MACROD2: variants seen among roughly 807,000 people sequenced by gnomAD.
MACROD2 encodes the protein mono-ADP ribosylhydrolase 2, also known as ADP-ribose glycohydrolase MACROD2.
In MACROD2, 36 loss-of-function variants were observed where a neutral mutation model predicts 70.4. That is an observed-to-expected ratio of 0.51 (90% CI 0.39 to 0.68). The LOEUF is 0.68. MACROD2 is among the 30% of genes least tolerant of loss of function. MACROD2 has a pLI of 0.00. For synonymous variants in MACROD2, 172 were observed against 178.8 expected (o/e 0.96, Z 0.30); for missense variants, 496 against 538.4 (o/e 0.92, Z 0.78).
intron 3 of MACROD2, among the ~76,000 whole-genome samples, chr20:14,414,561 G>C (rs1332459377): frequency 2.0e-5 from 3 of 152,068 alleles, no homozygotes; most frequent in Non-Finnish European, 4.4e-5. Context: ...ATAGCAATCA[G>C]AGTGATGCTT....
At chr20:14,962,488 T>C (rs921450384) in intron 5 of MACROD2, among the ~76,000 whole-genome samples, 6 of 150,072 alleles carry the variant, frequency 4.0e-5, no homozygotes, top group Non-Finnish European at 8.9e-5. Flanking sequence ...TTATGTTTGT[T>C]TTGTTTCTGA....
At chr20:15,077,974 C>T (rs117435781) in intron 5 of MACROD2, among the ~76,000 whole-genome samples, 1,543 of 151,988 alleles carry the variant, frequency 0.01, 15 homozygotes, top group Non-Finnish European at 0.016. Context: ...GGACTCAATG[C>T]GGGGAAAGGG....
At chr20:15,448,119 A>G (rs1161283092) in intron 7 of MACROD2, among the ~76,000 whole-genome samples, 1 of 152,136 alleles carries the variant, frequency 6.6e-6, no homozygotes, top group Non-Finnish European at 1.5e-5. Flanking sequence ...GGTAGAAGGC[A>G]GGAGAGTTCC....
At chr20:15,115,786 TG>T (rs1419424031) in intron 5 of MACROD2, among the ~76,000 whole-genome samples, 2 of 152,164 alleles carry the variant, frequency 1.3e-5, no homozygotes, top group East Asian at 3.9e-4. Flanking sequence ...TATGTAGCGA[TG>T]AAAACATAAT....
intron 3 of MACROD2, among the ~76,000 whole-genome samples, chr20:14,153,916 G>A (rs1218698666): frequency 6.6e-6 from 1 of 152,138 alleles, no homozygotes; most frequent in African/African-American, 2.4e-5. Context: ...TTTTCCTGCT[G>A]ACTCTTGTTT....
intron 3 of MACROD2, among the ~76,000 whole-genome samples, chr20:14,424,894 T>C (rs1213964925): frequency 6.6e-6 from 1 of 152,234 alleles, no homozygotes; most frequent in Non-Finnish European, 1.5e-5. Flanking sequence ...CTATAATATT[T>C]AATGAAAGTC....
chr20:15,822,677 A>G (rs2063952005), intron 8 of MACROD2, among the ~76,000 whole-genome samples: 1 of 152,208 alleles, frequency 6.6e-6, no homozygotes. Context: ...TGCTATTTAT[A>G]TAGAGAGAAG....
At chr20:15,792,370 A>G (rs2063632044) in intron 8 of MACROD2, among the ~76,000 whole-genome samples, 1 of 152,264 alleles carries the variant, frequency 6.6e-6, no homozygotes, top group East Asian at 1.9e-4. Context: ...TAACAAATCT[A>G]TAAAGTTACA....
intron 15 of MACROD2, among the ~76,000 whole-genome samples, chr20:16,011,297 G>A (rs2066859559): frequency 6.6e-6 from 1 of 152,222 alleles, no homozygotes; most frequent in Non-Finnish European, 1.5e-5. Flanking sequence ...CAGAGTCTGT[G>A]AGGCCAAAAC....
At chr20:14,572,161 A>G (rs1490956549) in intron 4 of MACROD2, among the ~76,000 whole-genome samples, 1 of 152,082 alleles carries the variant, frequency 6.6e-6, no homozygotes, top group African/African-American at 2.4e-5. Flanking sequence ...TATATTTATT[A>G]TATCATCTCT....
chr20:15,340,974 G>C (rs969099806), intron 6 of MACROD2, among the ~76,000 whole-genome samples: 1 of 152,124 alleles, frequency 6.6e-6, no homozygotes. Context: ...ATTTTGAATA[G>C]AGAGTTGGGA....
At chr20:15,029,116 A>G (rs2122990366) in intron 5 of MACROD2, among the ~76,000 whole-genome samples, 1 of 152,304 alleles carries the variant, frequency 6.6e-6, no homozygotes, top group East Asian at 1.9e-4. Flanking sequence ...GCACACATCC[A>G]GGGAGATTTT....
At chr20:15,153,549 A>G (rs2076286408) in intron 5 of MACROD2, among the ~76,000 whole-genome samples, 1 of 152,186 alleles carries the variant, frequency 6.6e-6, no homozygotes. Context: ...TCCTAGATAA[A>G]TAAGGTATGA....
At position 15,787,843 on chromosome 20, in the gene MACROD2, T is replaced by A. The variant is rs144013727; in HGVS notation, c.646-74902T>A. ...CAAGTTTAATCTTCTCTCCTGTGAA[T>A]AAGCCTACTGCTGTATGAAATGCTG... On this transcript the variant is annotated intron_variant, in intron 8 of 17. Coordinates refer to ENST00000684519, the MANE Select transcript of MACROD2 (RefSeq NM_001351661.2). Among the ~76,000 whole-genome samples, 593 of 152,366 alleles carry A rather than the reference T, an allele frequency of 3.9e-3. 3 individuals are homozygous for A. The highest frequency in any genetic ancestry group is 0.014 in the Middle Eastern group (4 of 294).
chr20:15,520,188 T>C (rs2146528374), intron 8 of MACROD2, among the ~76,000 whole-genome samples: 1 of 152,364 alleles, frequency 6.6e-6, no homozygotes, highest in South Asian at 2.1e-4. Context: ...TTTCAGTTAA[T>C]GTAGATTACC....
chr20:14,791,811 A>AT (rs1568798214), intron 5 of MACROD2, among the ~76,000 whole-genome samples: 2 of 151,806 alleles, frequency 1.3e-5, no homozygotes, highest in Non-Finnish European at 2.9e-5. Context: ...ATACACTCCT[A>AT]TTTTGTTAAT....
At chr20:14,431,022 TC>T (rs1356938845) in intron 3 of MACROD2, among the ~76,000 whole-genome samples, 2 of 152,138 alleles carry the variant, frequency 1.3e-5, no homozygotes, top group African/African-American at 4.8e-5. Flanking sequence ...GAAATAAACA[TC>T]ATCTTCTCTG....
chr20:15,186,840 T>A (rs1427838548), intron 5 of MACROD2, among the ~76,000 whole-genome samples: 1 of 152,194 alleles, frequency 6.6e-6, no homozygotes, highest in African/African-American at 2.4e-5. Flanking sequence ...AGAAGTCTCA[T>A]TTGTGTTCCT....
At chr20:14,516,076 A>T (rs897157501) in intron 4 of MACROD2, among the ~76,000 whole-genome samples, 1 of 149,428 alleles carries the variant, frequency 6.7e-6, no homozygotes, top group Admixed American at 6.7e-5. Flanking sequence ...CTCTCAAATA[A>T]ATAAATAAAT....
Sources: allele counts gnomAD v4.1 joint callset (sites outside exome capture counted in the v4.1 genomes callset), GRCh38; gene constraint gnomAD v4.1.1; transcripts MANE v1.5; gene names NCBI Gene and HGNC (gene_info 2026-07-23, HGNC 2026-07-21).